The following CUL4B variants were observed in gnomAD, a reference collection of about 807,000 sequenced individuals.
CUL4B encodes the protein cullin 4B.
CUL4B carries 1 observed loss-of-function variant against 69.2 expected under a neutral mutation model. The observed-to-expected ratio is 0.01, with a 90% confidence interval of 0.01 to 0.07. CUL4B has a LOEUF of 0.07. Ranked by LOEUF, CUL4B falls within the 10% of genes least tolerant of loss-of-function variation. The probability of loss-of-function intolerance (pLI) is 1.00; values close to 1 mark genes in which losing one functional copy is unlikely to be tolerated. For missense variants in CUL4B, 328 were observed against 638.8 expected (o/e 0.51, Z 5.24); for synonymous variants, 237 against 223.2 (o/e 1.06, Z -0.55).
At chrX:120,546,400 TAAAAAAAGAA>T (rs1924327828) in intron 4 of CUL4B, 137 bp downstream of exon 4, 3 of 433,094 alleles carry the variant, frequency 6.9e-6, no homozygotes, top group Non-Finnish European at 7.8e-6. Flanking sequence ...AATAAATTTT[TAAAAAAAGAA>T]AAAAAAAGAA....
At chrX:120,539,137 C>T in intron 12 of CUL4B, 131 bp downstream of exon 12, 1 of 458,382 alleles carries the variant, frequency 2.2e-6, no homozygotes, top group Non-Finnish European at 3.7e-6. Flanking sequence ...ACGTATCCCC[C>T]CAATGAATTA....
At position 120,524,519 on chromosome X, in the gene CUL4B, G is replaced by T. The variant is rs1356172567; in HGVS notation, c.*2242C>A. ...TTTAAAAATAACAAAATCAACAAAT[G>T]TGAGTTCATTAGAAGTTGTTAGGAA... On this transcript the variant is annotated 3_prime_UTR_variant, in exon 20 of 20. Transcript: ENST00000371322. The T allele has an allele frequency of 8.9e-6, 1 of 111,898 alleles. No homozygotes were observed. Among genetic ancestry groups the T allele is most frequent in the South Asian group, 3.7e-4 (1 of 2,704 alleles). The allele number at this position is 111,898 out of a possible 1,213,427, so 9.2% of individuals were successfully genotyped here. A position where few individuals can be genotyped will look rare whatever the true frequency, so the allele number is the denominator to read the frequency against.
At chrX:120,559,206 A>T (rs746179024) in intron 1 of CUL4B, among the ~76,000 whole-genome samples, 1 of 112,207 alleles carries the variant, frequency 8.9e-6, no homozygotes, top group Non-Finnish European at 1.9e-5. Flanking sequence ...CTATTTAATA[A>T]ACACTGTAGC....
chrX:120,538,638 A>T, intron 13 of CUL4B, 22 bp downstream of exon 13: 1 of 998,424 alleles, frequency 1.0e-6, no homozygotes, highest in Admixed American at 2.2e-5. Flanking sequence ...AAGAAAAGGA[A>T]CAGAAAGAAT....
In CUL4B at chrX:120,560,934, C is replaced by T. The variant is rs961251663; in HGVS notation, c.-296G>A. The T allele has an allele frequency of 2.8e-5, 21 of 751,047 alleles. No homozygotes were observed. Among genetic ancestry groups the T allele is most frequent in the South Asian group, 6.9e-5 (1 of 14,543 alleles). The allele number at this position is 751,047 out of a possible 1,213,427, so 61.9% of individuals were successfully genotyped here. A position where few individuals can be genotyped will look rare whatever the true frequency, so the allele number is the denominator to read the frequency against. Reference sequence around the variant, plus strand: ...CCCTGCTTTTCGATCTCTCTCCCCCCCTTTCTGCAGGAGCGACTCAGCGAG... The same window carrying T: ...CCCTGCTTTTCGATCTCTCTCCCCCTCTTTCTGCAGGAGCGACTCAGCGAG... On this transcript the variant is annotated 5_prime_UTR_variant, in exon 1 of 20. Coordinates refer to ENST00000371322, the MANE Select transcript of CUL4B (RefSeq NM_001079872.2).
chrX:120,564,818 C>T (rs1925444960), upstream of CUL4B, among the ~76,000 whole-genome samples: 1 of 112,380 alleles, frequency 8.9e-6, no homozygotes, highest in African/African-American at 3.2e-5. Flanking sequence ...GGACACCATA[C>T]AATTATAGCC....
intron 13 of CUL4B, 21 bp from the exon 14 acceptor site, chrX:120,538,230 T>C (rs772252891): frequency 1.4e-5 from 15 of 1,038,503 alleles, no homozygotes; most frequent in African/African-American, 1.1e-4. Flanking sequence ...TGTTTGTACA[T>C]GTATAATATT....
Position 120,560,261 on chromosome X carries a change from TGAGGAGGAG to T in CUL4B, c.369_377del (p.Ser126_Ser128del), listed in dbSNP as rs754330779. The T allele has an allele frequency of 4.5e-5, 54 of 1,208,215 alleles. No individual in the cohort carries two copies. The highest frequency in any genetic ancestry group is 5.9e-5 in the Non-Finnish European group (53 of 894,207). On this transcript the variant is annotated inframe_deletion, in exon 1 of 20. Transcript: ENST00000371322. ...GAGATGTTGCAGCAGTTGGTGAAGA[TGAGGAGGAG>T]GAGGAGGAGGATTCCTCAGCCATCT...
At chrX:120,564,499 G>A (rs189417376), upstream of CUL4B, among the ~76,000 whole-genome samples, 23 of 111,282 alleles carry the variant, frequency 2.1e-4, no homozygotes, top group East Asian at 5.4e-3. Context: ...CCAACTACTC[G>A]GGAGGATAAG....
At chrX:120,562,358 G>A (rs1925360225), upstream of CUL4B, among the ~76,000 whole-genome samples, 1 of 111,960 alleles carries the variant, frequency 8.9e-6, no homozygotes, top group Non-Finnish European at 1.9e-5. Flanking sequence ...TCCCTGTTGG[G>A]AGTTTTTACT....
At chrX:120,530,081 G>A (rs1025216822) in intron 19 of CUL4B, 21 bp downstream of exon 19, 1 of 1,198,998 alleles carries the variant, frequency 8.3e-7, no homozygotes. Flanking sequence ...ACGCTCAATA[G>A]GAAAACACAG....
At chrX:120,572,613 G>T (rs1925747682) in intron 2 of CUL4B, among the ~76,000 whole-genome samples, 1 of 110,712 alleles carries the variant, frequency 9.0e-6, no homozygotes, top group African/African-American at 3.3e-5. Context: ...ACTGATTAAA[G>T]ATCTTTTTCT....
At chrX:120,530,390 T>C (rs1923237629) in intron 18 of CUL4B, 136 bp from the exon 19 acceptor site, 2 of 582,006 alleles carry the variant, frequency 3.4e-6, no homozygotes. Flanking sequence ...CTTATAAATA[T>C]AGATGCTGAC....
In CUL4B at chrX:120,556,911, ATAT is replaced by A. The variant is rs747009331; in HGVS notation, c.672+1010_672+1012del. On this transcript the variant is annotated intron_variant, in intron 2 of 19. Coordinates refer to ENST00000371322, the MANE Select transcript of CUL4B (RefSeq NM_001079872.2). ...AGCTATTGTACTCTGAAGTATATAT[ATAT>A]TTTTTTTTTTTTTTGAGATGGAGTT... Among the ~76,000 whole-genome samples, 222 of 69,821 alleles carry A rather than the reference ATAT, an allele frequency of 3.2e-3. 1 individual carries two copies. The highest frequency in any genetic ancestry group is 0.01 in the African/African-American group (154 of 14,762). The allele number at this position is 69,821 out of a possible 115,157, so 60.6% of individuals were successfully genotyped here. A position where few individuals can be genotyped will look rare whatever the true frequency, so the allele number is the denominator to read the frequency against.
At chrX:120,538,004 C>A in intron 14 of CUL4B, 120 bp downstream of exon 14, 1 of 518,473 alleles carries the variant, frequency 1.9e-6, no homozygotes. Flanking sequence ...GTGAATATCA[C>A]CTCAGTTGCC....
chrX:120,545,088 CATG>C (rs1352585753), intron 5 of CUL4B, among the ~76,000 whole-genome samples: 1 of 111,880 alleles, frequency 8.9e-6, no homozygotes, highest in Non-Finnish European at 1.9e-5. Context: ...GGGAAGAGTT[CATG>C]ATACTATTCT....
chrX:120,538,626 CAAAGA>C, intron 13 of CUL4B, 29 bp downstream of exon 13: 1 of 938,470 alleles, frequency 1.1e-6, no homozygotes, highest in African/African-American at 1.9e-5. Flanking sequence ...CTTCAGGAAT[CAAAGA>C]AAAGGAACAG....
At chrX:120,527,017 T>C (rs962675489) in intron 19 of CUL4B, among the ~76,000 whole-genome samples, 161 bp from the exon 20 acceptor site, 3 of 112,036 alleles carry the variant, frequency 2.7e-5, no homozygotes, top group Non-Finnish European at 5.6e-5. Flanking sequence ...AAAAGTATCA[T>C]GAAAATAAAC....
rs1569390976 is a variant in CUL4B, at chrX:120,543,038, A to G, written c.1257-5T>C. 1 of 1,146,236 alleles carries G rather than the reference A, an allele frequency of 8.7e-7. No homozygotes were observed. The highest frequency in any genetic ancestry group is 1.2e-6 in the Non-Finnish European group (1 of 838,816). 94.5% of individuals were successfully genotyped at this position (1,146,236 alleles called of 1,213,427 possible). A position where few individuals can be genotyped will look rare whatever the true frequency, so the allele number is the denominator to read the frequency against. On this transcript the variant is annotated splice_polypyrimidine_tract_variant and splice_region_variant and intron_variant, in intron 8 of 19. Coordinates refer to ENST00000371322, the MANE Select transcript of CUL4B (RefSeq NM_001079872.2). ...ACAGTAGCAATTAATGACTTCCTAC[A>G]AGGAAAAAAAAAAAGGTTAGTATTA...
Sources: gnomAD v4.1 joint callset for allele counts (sites outside exome capture counted in the v4.1 genomes callset) on GRCh38, gnomAD v4.1.1 for gene constraint, MANE v1.5 for transcripts, NCBI Gene and HGNC (gene_info 2026-07-23, HGNC 2026-07-21) for gene names.